RABEP1: variants seen among roughly 807,000 people sequenced by gnomAD.
The protein encoded by RABEP1 is rab GTPase-binding effector protein 1.
RABEP1 carries 51 observed loss-of-function variants against 123.4 expected under a neutral mutation model. The ratio of observed to expected loss-of-function variants is 0.41; its 90% CI spans 0.33 to 0.52. The LOEUF is 0.52. Ranked by LOEUF, RABEP1 falls within the 20% of genes least tolerant of loss-of-function variation. The pLI is 0.16. For synonymous variants in RABEP1, 347 were observed against 355.2 expected, an observed-to-expected ratio of 0.98 and a Z score of 0.26; for missense variants, 888 against 996.3, an observed-to-expected ratio of 0.89 and a Z score of 1.46.
At chr17:5,335,161 A>T in intron 3 of RABEP1, 23 bp from the exon 4 acceptor site, 2 of 1,574,688 alleles carry the variant, frequency 1.3e-6, no homozygotes, top group Non-Finnish European at 8.6e-7. Context: ...CTTAGATGTG[A>T]AATATGTGGT....
At chr17:5,341,044 CAATAT>C (rs1467947455) in intron 5 of RABEP1, among the ~76,000 whole-genome samples, 3 of 151,258 alleles carry the variant, frequency 2.0e-5, no homozygotes, top group Non-Finnish European at 4.4e-5. Flanking sequence ...TAGAGACTAT[CAATAT>C]AATGAAAAAA....
In RABEP1 at chr17:5,381,394, C is replaced by T. The variant is rs117554009; in HGVS notation, c.2376C>T (p.Thr792=). The T allele has an allele frequency of 1.9e-5, 31 of 1,609,484 alleles. No homozygotes were observed. The highest frequency in any genetic ancestry group is 1.6e-4 in the East Asian group (7 of 44,768). ...QLKKETAAKA[T]VEQLMFEEKN... ...TCAAAACTTGTATTTTTTAGGCTACCGTTGAACAACTAATGTTTGAAGAGA... is the reference window on the plus strand; with the variant it reads ...TCAAAACTTGTATTTTTTAGGCTACTGTTGAACAACTAATGTTTGAAGAGA... The change falls in exon 17 of 18, where the codon ACC becomes ACT. Residue 792 remains threonine (T), a synonymous_variant. Transcript: ENST00000537505.
rs1196707054 is a variant in RABEP1 at position 5,386,077 on chromosome 17, T to TA, written c.*2859dup. The TA allele has an allele frequency of 1.0e-4, 68 of 656,858 alleles. No individual in the cohort carries two copies. In the South Asian group the frequency reaches 1.5e-3, roughly 14 times the overall value. The allele number at this position is 656,858 out of a possible 1,614,324, so 40.7% of individuals were successfully genotyped here. On this transcript the variant is annotated 3_prime_UTR_variant, in exon 18 of 18. Coordinates refer to ENST00000537505, the MANE Select transcript of RABEP1 (RefSeq NM_004703.6). ...CTCAATTATTATAAAACAACATATT[T>TA]AAAAAGATGAACCACACCAAAGGTC...
chr17:5,334,731 C>T (rs1356902348), intron 3 of RABEP1, among the ~76,000 whole-genome samples: 1 of 152,166 alleles, frequency 6.6e-6, no homozygotes, highest in Non-Finnish European at 1.5e-5. Context: ...TTTGCCTCAA[C>T]TTACAATCTT....
intron 2 of RABEP1, among the ~76,000 whole-genome samples, chr17:5,318,534 C>A (rs2075320738): frequency 6.6e-6 from 1 of 152,136 alleles, no homozygotes; most frequent in Non-Finnish European, 1.5e-5. Flanking sequence ...TATGGAACAA[C>A]TTCATGATTA....
At chr17:5,329,055 T>C (rs1906266032) in intron 2 of RABEP1, among the ~76,000 whole-genome samples, 2 of 139,418 alleles carry the variant, frequency 1.4e-5, no homozygotes, top group African/African-American at 2.8e-5. Flanking sequence ...TTGGAGAAGT[T>C]TTACCAGAGA....
intron 1 of RABEP1, among the ~76,000 whole-genome samples, chr17:5,299,725 C>CTTTTTTTTT (rs201875944): frequency 4.8e-4 from 50 of 104,094 alleles, no homozygotes; most frequent in South Asian, 1.1e-3. Context: ...TTTTCTTTTT[C>CTTTTTTTTT]TTTTTCTTTT....
At chr17:5,331,605 C>A (rs1906552488) in intron 2 of RABEP1, among the ~76,000 whole-genome samples, 1 of 152,132 alleles carries the variant, frequency 6.6e-6, no homozygotes, top group Non-Finnish European at 1.5e-5. Flanking sequence ...ATTAGCGTTT[C>A]CAATAAATTA....
chr17:5,369,664 A>C (rs1048479327), intron 12 of RABEP1, among the ~76,000 whole-genome samples: 1 of 148,942 alleles, frequency 6.7e-6, no homozygotes, highest in Non-Finnish European at 1.5e-5. Context: ...AGCCTCCTAC[A>C]CTCCTTCGAC....
At chr17:5,344,831 C>T (rs1228461566) in intron 5 of RABEP1, among the ~76,000 whole-genome samples, 3 of 148,594 alleles carry the variant, frequency 2.0e-5, no homozygotes, top group Non-Finnish European at 4.4e-5. Flanking sequence ...GTGGCGCATG[C>T]CTGTAATTCC....
intron 5 of RABEP1, 105 bp downstream of exon 5, chr17:5,338,243 A>G (rs1210093288): frequency 1.7e-5 from 23 of 1,334,060 alleles, no homozygotes; most frequent in East Asian, 2.5e-5. Flanking sequence ...AATTTAGACT[A>G]TGCATCTTAA....
At chr17:5,380,188 G>C (rs976144959) in intron 15 of RABEP1, among the ~76,000 whole-genome samples, 176 bp from the exon 16 acceptor site, 1 of 152,190 alleles carries the variant, frequency 6.6e-6, no homozygotes, top group Non-Finnish European at 1.5e-5. Flanking sequence ...AATGGTTAAT[G>C]AAAGAATAGT....
chr17:5,324,357 ATGG>A (rs1475625702), intron 2 of RABEP1, among the ~76,000 whole-genome samples: 1 of 152,196 alleles, frequency 6.6e-6, no homozygotes, highest in African/African-American at 2.4e-5. Context: ...TCTTCAATAA[ATGG>A]TGGTAGGATG....
rs529463593 is a variant in RABEP1 at position 5,340,337 on chromosome 17, A to G, written c.648+2199A>G. Among the ~76,000 whole-genome samples the G allele has an allele frequency of 4.6e-5, 7 of 152,294 alleles. No homozygotes were observed. In the South Asian group the frequency reaches 8.3e-4, roughly 18 times the overall value. On this transcript the variant is annotated intron_variant, in intron 5 of 17. Coordinates refer to ENST00000537505, the MANE Select transcript of RABEP1 (RefSeq NM_004703.6). ...AAATGGGGATAATAAGCCCACCTTAATAGTCACCATATGGCTATTATGAGG... is the reference window on the plus strand; with the variant it reads ...AAATGGGGATAATAAGCCCACCTTAGTAGTCACCATATGGCTATTATGAGG...
intron 8 of RABEP1, among the ~76,000 whole-genome samples, chr17:5,360,090 G>C (rs771358355): frequency 1.5e-4 from 23 of 152,196 alleles, no homozygotes; most frequent in Non-Finnish European, 2.1e-4. Context: ...ACCCATTAGA[G>C]TCACTCGCCA....
At chr17:5,344,731 C>T (rs1013755884) in intron 5 of RABEP1, among the ~76,000 whole-genome samples, 9 of 141,650 alleles carry the variant, frequency 6.4e-5, no homozygotes, top group African/African-American at 2.4e-4. Flanking sequence ...GAGATCGTGC[C>T]TCTGCACTCC....
chr17:5,307,876 A>G (rs2075195039), intron 1 of RABEP1, among the ~76,000 whole-genome samples: 1 of 152,210 alleles, frequency 6.6e-6, no homozygotes, highest in South Asian at 2.1e-4. Context: ...TATCCTCTCT[A>G]TGAATGGGTT....
intron 1 of RABEP1, among the ~76,000 whole-genome samples, chr17:5,305,363 G>A (rs1257612343): frequency 2.0e-5 from 3 of 152,156 alleles, no homozygotes; most frequent in Non-Finnish European, 2.9e-5. Context: ...CCTGGAGAGA[G>A]CCAGGCTTTG....
In RABEP1 at chr17:5,385,922, A is replaced by G; in HGVS notation, c.*2699A>G. The G allele has an allele frequency of 2.8e-6, 1 of 357,946 alleles. No individual in the cohort carries two copies. Among genetic ancestry groups the G allele is most frequent in the Non-Finnish European group, 5.0e-6 (1 of 200,874 alleles). The allele number at this position is 357,946 out of a possible 1,614,324, so 22.2% of individuals were successfully genotyped here. A position where few individuals can be genotyped will look rare whatever the true frequency, so the allele number is the denominator to read the frequency against. On this transcript the variant is annotated 3_prime_UTR_variant, in exon 18 of 18. Transcript: ENST00000537505. ...ACAAGAATAACTAACTTGCTCAAAT[A>G]TGGAGAAAACTCAATAGGGTTCAGG...
Sources: allele counts gnomAD v4.1 joint callset (sites outside exome capture counted in the v4.1 genomes callset), GRCh38; gene constraint gnomAD v4.1.1; transcripts MANE v1.5; gene names NCBI Gene and HGNC (gene_info 2026-07-23, HGNC 2026-07-21).